The following POLR2F variants were observed in gnomAD, a reference collection of about 807,000 sequenced individuals.
POLR2F encodes the protein DNA-directed RNA polymerases I, II, and III subunit RPABC2.
POLR2F carries 12 observed loss-of-function variants against 22.7 expected under a neutral mutation model. The observed-to-expected ratio is 0.53, with a 90% CI of 0.34 to 0.86. The LOEUF is 0.86. Among genes scored for constraint, POLR2F ranks in the 40% least tolerant of loss-of-function variants. POLR2F has a pLI of 0.02. For missense variants in POLR2F, 126 were observed against 171.5 expected, an observed-to-expected ratio of 0.73 and a Z score of 1.48; for synonymous variants, 57 against 66.0, an observed-to-expected ratio of 0.86 and a Z score of 0.66.
intron 1 of POLR2F, among the ~76,000 whole-genome samples, chr22:38,001,066 A>T (rs2084764730): frequency 6.6e-6 from 1 of 152,148 alleles, no homozygotes; most frequent in Non-Finnish European, 1.5e-5. Flanking sequence ...GCATGGGTGC[A>T]GCACCACTGA....
chr22:38,036,798 G>A (rs1443908481), intron 5 of POLR2F, among the ~76,000 whole-genome samples: 3 of 151,734 alleles, frequency 2.0e-5, no homozygotes, highest in Non-Finnish European at 2.9e-5. Context: ...CCAACCCCAC[G>A]TGTCTGACTC....
rs1407279095 is a variant in POLR2F at position 37,968,842 on chromosome 22, T to A, written c.*1127T>A. ...TGGCCCTGGGATGGGATGTGGGGAG[T>A]GAATGGTGAGGATCTGCATTGGTGG... On this transcript the variant is annotated 3_prime_UTR_variant, in exon 5 of 5. Coordinates refer to ENST00000442738, the MANE Select transcript of POLR2F (RefSeq NM_021974.5). 1.0e-6 allele frequency: 1 copy of A among 984,592 alleles called. No individual in the cohort carries two copies. Among genetic ancestry groups the A allele is most frequent in the Non-Finnish European group, 1.2e-6 (1 of 829,898 alleles). The allele number at this position is 984,592 out of a possible 1,614,324, so 61.0% of individuals were successfully genotyped here.
Position 37,960,459 on chromosome 22 carries a change from G to T in POLR2F, c.221+983G>T, listed in dbSNP as rs187687727. Among the ~76,000 whole-genome samples the T allele has an allele frequency of 5.9e-5, 9 of 152,036 alleles. No individual in the cohort carries two copies. In the East Asian group the frequency reaches 1.7e-3, roughly 29 times the overall value. ...ATCACCCAGCCTGGAGTGCAGTGGC[G>T]CGTTCTCCGCTCACTGCAAGTGCTG... On this transcript the variant is annotated intron_variant, in intron 3 of 4. Coordinates refer to ENST00000442738, the MANE Select transcript of POLR2F (RefSeq NM_021974.5).
intron 1 of POLR2F, among the ~76,000 whole-genome samples, chr22:37,991,151 T>C (rs1932718898): frequency 6.6e-6 from 1 of 152,226 alleles, no homozygotes; most frequent in Admixed American, 6.5e-5. Flanking sequence ...TATTTGAGAC[T>C]GGCTCTGTTG....
intron 5 of POLR2F, among the ~76,000 whole-genome samples, chr22:38,038,304 G>C (rs567812431): frequency 2.0e-5 from 3 of 152,310 alleles, no homozygotes; most frequent in East Asian, 3.9e-4. Context: ...TGAGGATTCA[G>C]AGGGCGTCCT....
Position 37,969,254 on chromosome 22 carries a change from C to A in POLR2F, c.*1539C>A. On this transcript the variant is annotated 3_prime_UTR_variant, in exon 5 of 5. Transcript: ENST00000442738. Reference sequence around the variant, plus strand: ...TTCTCCTCTTTTGGGGAGTCCCCTGCTATTCAGCTGTCTGGGCCTGGCTTT... The same window carrying A: ...TTCTCCTCTTTTGGGGAGTCCCCTGATATTCAGCTGTCTGGGCCTGGCTTT... 1 of 985,122 alleles carries A rather than the reference C, an allele frequency of 1.0e-6. No individual in the cohort carries two copies. Among genetic ancestry groups the A allele is most frequent in the Non-Finnish European group, 1.2e-6 (1 of 829,660 alleles). 61.0% of individuals were successfully genotyped at this position (985,122 alleles called of 1,614,324 possible).
intron 1 of POLR2F, among the ~76,000 whole-genome samples, chr22:38,010,416 C>CAGAGAG (rs1048004370): frequency 6.7e-6 from 1 of 149,116 alleles, no homozygotes; most frequent in Non-Finnish European, 1.5e-5. Flanking sequence ...GAGAGAGAGA[C>CAGAGAG]AGAGAGAGAG....
chr22:38,039,052 A>G (rs2085145703), intron 5 of POLR2F, among the ~76,000 whole-genome samples: 1 of 152,138 alleles, frequency 6.6e-6, no homozygotes, highest in African/African-American at 2.4e-5. Context: ...CCTGCATGGG[A>G]CAAGAGGCAG....
intron 1 of POLR2F, among the ~76,000 whole-genome samples, chr22:38,006,198 A>G (rs1460420539): frequency 6.6e-6 from 1 of 151,704 alleles, no homozygotes; most frequent in Non-Finnish European, 1.5e-5. Context: ...AGAGAGTGAG[A>G]CCCCATCTCT....
At chr22:38,019,669 C>T (rs2084943720) in intron 1 of POLR2F, among the ~76,000 whole-genome samples, 1 of 152,220 alleles carries the variant, frequency 6.6e-6, no homozygotes, top group African/African-American at 2.4e-5. Context: ...GGCATTCCCT[C>T]CTCACGTGGG....
At chr22:37,974,101 C>T (rs376010012), downstream of POLR2F, 10 of 1,613,694 alleles carry the variant, frequency 6.2e-6, no homozygotes, top group African/African-American at 1.3e-5. This position sits in a 1 kb window ranked among gnomAD's most constrained non-coding sequence, Gnocchi z 5.4. Flanking sequence ...GCTTCCCGCC[C>T]TCCCCCATGG....
chr22:37,991,631 A>G (rs1932730180), intron 1 of POLR2F, among the ~76,000 whole-genome samples: 1 of 152,194 alleles, frequency 6.6e-6, no homozygotes, highest in South Asian at 2.1e-4. Context: ...TGGAGAGGAC[A>G]TAGTTGCCTG....
upstream of POLR2F, chr22:37,983,566 G>A: frequency 1.2e-6 from 2 of 1,610,394 alleles, no homozygotes; most frequent in Non-Finnish European, 8.5e-7. The surrounding 1 kb of genome is among the most constrained non-coding windows in gnomAD (Gnocchi z 9.5). Flanking sequence ...TGACGGCCTC[G>A]CGGATGCACA....
At chr22:38,033,895 A>G (rs2085090130) in intron 5 of POLR2F, among the ~76,000 whole-genome samples, 1 of 152,130 alleles carries the variant, frequency 6.6e-6, no homozygotes, top group Admixed American at 6.5e-5. Flanking sequence ...GCGACTCCTC[A>G]TGACCCATGC....
At chr22:37,976,948 C>T (rs1341114356) in intron 4 of POLR2F, among the ~76,000 whole-genome samples, 1 of 151,736 alleles carries the variant, frequency 6.6e-6, no homozygotes, top group Non-Finnish European at 1.5e-5. Flanking sequence ...GGGCAGATTG[C>T]CTGAGCTCAG....
At chr22:37,986,111 A>G (rs755705814), upstream of POLR2F, 50 of 1,475,728 alleles carry the variant, frequency 3.4e-5, no homozygotes, top group East Asian at 6.7e-4. This position sits in a 1 kb window ranked among gnomAD's most constrained non-coding sequence, Gnocchi z 4.7. Flanking sequence ...GTGAACGGCA[A>G]TCATGTGATT....
At chr22:37,975,246 T>C (rs941206551) in intron 4 of POLR2F, among the ~76,000 whole-genome samples, 3 of 152,208 alleles carry the variant, frequency 2.0e-5, no homozygotes, top group Non-Finnish European at 4.4e-5. Context: ...GCTCATAGTC[T>C]AGTCATAGAT....
chr22:37,961,595 G>A (rs1349318652), intron 3 of POLR2F, among the ~76,000 whole-genome samples: 1 of 152,176 alleles, frequency 6.6e-6, no homozygotes, highest in East Asian at 1.9e-4. Context: ...GCCATAGGCA[G>A]TGCAGGCCTT....
rs1190724531 is a variant in POLR2F, at chr22:37,997,768, C to T, written c.120+11456C>T. 6.6e-6 allele frequency among the ~76,000 whole-genome samples: 1 copy of T among 152,148 alleles called. No homozygotes were observed. The highest frequency in any genetic ancestry group is 1.5e-5 in the Non-Finnish European group (1 of 68,014). On this transcript the variant is annotated intron_variant, in intron 1 of 2. Coordinates refer to the POLR2F transcript ENST00000333418. This position sits in a 1 kb window ranked among gnomAD's most constrained non-coding sequence, Gnocchi z 4.4. ...ATTTCCAGCTTCCCTGAGACTGCCC[C>T]GGGGCCCTTTCTCTGGCTGTCCCAG...
Sources: allele counts gnomAD v4.1 joint callset (sites outside exome capture counted in the v4.1 genomes callset), GRCh38; gene constraint gnomAD v4.1.1; non-coding constraint Gnocchi (gnomAD v3.1); transcripts MANE v1.5; gene names NCBI Gene and HGNC (gene_info 2026-07-23, HGNC 2026-07-21).